Variants in KCND2 observed in about 807,000 individuals in gnomAD.
The protein encoded by KCND2 is potassium voltage-gated channel subfamily D member 2.
Under a neutral mutation model 54.4 loss-of-function variants are expected in KCND2, and 16 were observed. The ratio of observed to expected loss-of-function variants is 0.29; its 90% CI spans 0.20 to 0.45. KCND2 has a LOEUF of 0.45. Ranked by LOEUF, KCND2 falls within the 20% of genes least tolerant of loss-of-function variation. KCND2 has a pLI of 1.00. For synonymous variants in KCND2, 317 were observed against 310.7 expected (o/e 1.02, Z -0.21); for missense variants, 486 against 824.2 (o/e 0.59, Z 5.02).
intron 1 of KCND2, among the ~76,000 whole-genome samples, chr7:120,584,669 G>A (rs372776943): frequency 1.3e-5 from 2 of 152,202 alleles, no homozygotes; most frequent in African/African-American, 4.8e-5. Flanking sequence ...ATCCTTAGTG[G>A]CAATCCTAAA....
chr7:120,518,251 A>G (rs1803225305), intron 1 of KCND2, among the ~76,000 whole-genome samples: 1 of 152,188 alleles, frequency 6.6e-6, no homozygotes, highest in Admixed American at 6.6e-5. Flanking sequence ...TATTATTTCC[A>G]TCCAGAGATG....
At chr7:120,517,882 G>A (rs568774616) in intron 1 of KCND2, among the ~76,000 whole-genome samples, 8 of 152,144 alleles carry the variant, frequency 5.3e-5, no homozygotes, top group Non-Finnish European at 7.4e-5. Context: ...GTAATACATC[G>A]TTTGAATTTT....
At chr7:120,483,977 T>A (rs1370668048) in intron 1 of KCND2, among the ~76,000 whole-genome samples, 1 of 152,074 alleles carries the variant, frequency 6.6e-6, no homozygotes, top group Non-Finnish European at 1.5e-5. Context: ...AATTTGAGTG[T>A]GTGACTGCTG....
intron 1 of KCND2, among the ~76,000 whole-genome samples, chr7:120,576,621 T>A (rs998523145): frequency 6.7e-6 from 1 of 149,974 alleles, no homozygotes; most frequent in Non-Finnish European, 1.5e-5. Flanking sequence ...TTGAGTACTA[T>A]TTTTTTTTTC....
chr7:120,712,241 A>ATTTTTTTTTTTTTTTTTTTTT lies in KCND2; in HGVS notation c.1116-20642_1116-20622dup, dbSNP rs869059871. 3.4e-4 allele frequency among the ~76,000 whole-genome samples: 12 copies of ATTTTTTTTTTTTTTTTTTTTT among 34,784 alleles called. 4 individuals carry two copies. The highest frequency in any genetic ancestry group is 5.3e-4 in the Non-Finnish European group (10 of 18,962). 22.8% of individuals were successfully genotyped at this position (34,784 alleles called of 152,430 possible). On this transcript the variant is annotated intron_variant, in intron 1 of 5. Transcript: ENST00000331113. ...TTTTCTTTGAATTTTGGATATCTGA[A>ATTTTTTTTTTTTTTTTTTTTT]TTTTTTTTTTTTTTTTTTTTTTTTT...
In KCND2 at chr7:120,306,611, A is replaced by G. The variant is rs373087213; in HGVS notation, c.1115+30864A>G. Among the ~76,000 whole-genome samples the G allele has an allele frequency of 2.9e-4, 44 of 152,168 alleles. No homozygotes were observed. The East Asian group carries it at 5.6e-3, about 19-fold the overall frequency. On this transcript the variant is annotated intron_variant, in intron 1 of 5. Coordinates refer to ENST00000331113, the MANE Select transcript of KCND2 (RefSeq NM_012281.3). ...TGTTTGCAAAAATATCTCTAATTTT[A>G]TAAAGCCATATTCAAAATCGACTAA... is the stretch of plus-strand genomic sequence containing the variant.
intron 1 of KCND2, among the ~76,000 whole-genome samples, chr7:120,556,051 A>G (rs1405500686): frequency 6.6e-6 from 1 of 152,192 alleles, no homozygotes; most frequent in African/African-American, 2.4e-5. Flanking sequence ...GTAAACTTGA[A>G]TTCTTGACAC....
In KCND2 at chr7:120,368,707, T is replaced by C. The variant is rs79251472; in HGVS notation, c.1115+92960T>C. On this transcript the variant is annotated intron_variant, in intron 1 of 5. Transcript: ENST00000331113. Reference sequence around the variant, plus strand: ...TTCAGTTTGGTTGATAATATGAAGATGTTTATAGGAAATTTGACTATAAGC... The same window carrying C: ...TTCAGTTTGGTTGATAATATGAAGACGTTTATAGGAAATTTGACTATAAGC... Among the ~76,000 whole-genome samples, 17 of 152,214 alleles carry C rather than the reference T, an allele frequency of 1.1e-4. No homozygotes were observed. In the East Asian group the frequency reaches 3.1e-3, roughly 28 times the overall value.
intron 1 of KCND2, among the ~76,000 whole-genome samples, chr7:120,485,594 C>T (rs1802681768): frequency 6.6e-6 from 1 of 152,124 alleles, no homozygotes; most frequent in Non-Finnish European, 1.5e-5. Context: ...TGGACAAAAA[C>T]CATGTACTAG....
At chr7:120,295,832 C>G (rs1050643510) in intron 1 of KCND2, among the ~76,000 whole-genome samples, 2 of 151,796 alleles carry the variant, frequency 1.3e-5, no homozygotes, top group African/African-American at 4.8e-5. Flanking sequence ...GTAGGGGAAG[C>G]TGAGATTCAA....
chr7:120,349,428 G>C (rs568113058), intron 1 of KCND2, among the ~76,000 whole-genome samples: 2 of 151,994 alleles, frequency 1.3e-5, no homozygotes, highest in South Asian at 4.1e-4. Flanking sequence ...TGTCTTTGTT[G>C]TTTAACCCAG....
intron 1 of KCND2, among the ~76,000 whole-genome samples, chr7:120,550,210 C>T (rs1028244827): frequency 3.3e-5 from 5 of 151,990 alleles, no homozygotes; most frequent in African/African-American, 1.2e-4. Context: ...TTAATTTTCT[C>T]TTCTTTTTTA....
At chr7:120,625,441 C>T (rs1164755303) in intron 1 of KCND2, among the ~76,000 whole-genome samples, 1 of 152,084 alleles carries the variant, frequency 6.6e-6, no homozygotes, top group Non-Finnish European at 1.5e-5. Context: ...TTTAGAACTT[C>T]ATTATTGGTT....
chr7:120,683,298 G>A (rs1792162825), intron 1 of KCND2, among the ~76,000 whole-genome samples: 1 of 152,066 alleles, frequency 6.6e-6, no homozygotes, highest in South Asian at 2.1e-4. Context: ...AGTCTACTAT[G>A]ATCTTACTAG....
chr7:120,597,753 T>C lies in KCND2; in HGVS notation c.1116-135150T>C, dbSNP rs181563835. On this transcript the variant is annotated intron_variant, in intron 1 of 5. Coordinates refer to ENST00000331113, the MANE Select transcript of KCND2 (RefSeq NM_012281.3). Reference sequence around the variant, plus strand: ...CTTGGGAGAGTATCCCCAAATCCACTATTCTCTTTGTTTTAAATTGTATGC... The same window carrying C: ...CTTGGGAGAGTATCCCCAAATCCACCATTCTCTTTGTTTTAAATTGTATGC... Among the ~76,000 whole-genome samples the C allele has an allele frequency of 1.2e-3, 180 of 152,290 alleles. 1 individual carries two copies. Among genetic ancestry groups the C allele is most frequent in the Non-Finnish European group, 1.9e-3 (131 of 68,022 alleles).
At chr7:120,322,472 T>G (rs550219252) in intron 1 of KCND2, among the ~76,000 whole-genome samples, 1 of 152,256 alleles carries the variant, frequency 6.6e-6, no homozygotes, top group Admixed American at 6.6e-5. Context: ...TAGCATAAGT[T>G]AAAGTTTATG....
upstream of KCND2, among the ~76,000 whole-genome samples, chr7:120,273,160 C>G (rs903862004): frequency 2.0e-5 from 3 of 152,182 alleles, no homozygotes; most frequent in Non-Finnish European, 2.9e-5. Context: ...GAGGGAAAGG[C>G]AGGAGACGCC....
At chr7:120,677,536 G>GATATAGATATAGATATATAGAT (rs1161227601) in intron 1 of KCND2, among the ~76,000 whole-genome samples, 6 of 138,982 alleles carry the variant, frequency 4.3e-5, no homozygotes, top group Non-Finnish European at 9.2e-5. Context: ...TATAGATATA[G>GATATAGATATAGATATATAGAT]ATATAGATAT....
chr7:120,362,817 C>A (rs369763033), intron 1 of KCND2, among the ~76,000 whole-genome samples: 38 of 152,136 alleles, frequency 2.5e-4, no homozygotes, highest in East Asian at 1.6e-3. Context: ...TTATCTTTGG[C>A]AATTTTTCAA....
Sources: gnomAD v4.1 joint callset for allele counts (sites outside exome capture counted in the v4.1 genomes callset) on GRCh38, gnomAD v4.1.1 for gene constraint, MANE v1.5 for transcripts, NCBI Gene and HGNC (gene_info 2026-07-23, HGNC 2026-07-21) for gene names.